Variants in TRPA1 observed in about 807,000 individuals in gnomAD.
TRPA1 encodes ankyrin-like with transmembrane domains 1.
TRPA1 carries 129 observed loss-of-function variants against 131.3 expected under a neutral mutation model. The ratio of observed to expected loss-of-function variants is 0.98; its 90% CI spans 0.85 to 1.14. TRPA1 has a LOEUF of 1.14. TRPA1 is among the 50% of genes most tolerant of loss of function. The pLI is 0.00. For missense variants in TRPA1, 1,304 were observed against 1,354.2 expected, an observed-to-expected ratio of 0.96 and a Z score of 0.58; for synonymous variants, 441 against 451.7, an observed-to-expected ratio of 0.98 and a Z score of 0.30.
At position 72,061,641 on chromosome 8, in the gene TRPA1, C is replaced by A; in HGVS notation, c.928G>T (p.Glu310Ter). ...DIVNTTDGCHETMLHRASLFD... is the reference protein window; with the variant it reads ...DIVNTTDGCH ...GAAACTTGCCTGTGAAGCATGGTCTCATGACATCCATCGGTTGTGTTAACA... is the reference window on the plus strand; with the variant it reads ...GAAACTTGCCTGTGAAGCATGGTCTAATGACATCCATCGGTTGTGTTAACA... Residue 310 changes from glutamate to a stop codon, truncating the protein, a stop_gained, in exon 7 of 27, where the codon GAG becomes TAG. Coordinates refer to ENST00000262209, the MANE Select transcript of TRPA1 (RefSeq NM_007332.3). LOFTEE classifies it high-confidence loss of function. The A allele has an allele frequency of 6.2e-7, 1 of 1,614,000 alleles. No individual in the cohort carries two copies. Among genetic ancestry groups the A allele is most frequent in the Non-Finnish European group, 8.5e-7 (1 of 1,179,926 alleles).
intron 4 of TRPA1, among the ~76,000 whole-genome samples, chr8:72,063,837 A>G (rs1035266260): frequency 6.6e-6 from 1 of 152,100 alleles, no homozygotes; most frequent in African/African-American, 2.4e-5. Flanking sequence ...AAGTCAACAC[A>G]TTTTTCAATG....
chr8:72,028,593 G>C (rs575319568), intron 24 of TRPA1, among the ~76,000 whole-genome samples: 2 of 152,260 alleles, frequency 1.3e-5, no homozygotes, highest in African/African-American at 4.8e-5. Context: ...CAATCGCTCT[G>C]TGTCTCTGTA....
chr8:72,044,143 A>G (rs73687848), intron 17 of TRPA1, among the ~76,000 whole-genome samples: 3,575 of 151,728 alleles, frequency 0.024, 115 homozygotes, highest in East Asian at 0.082. Context: ...AACCCCTTGC[A>G]AATATTCATT....
Position 72,075,562 on chromosome 8 carries a change from C to A in TRPA1, c.-153G>T, listed in dbSNP as rs1401568207. 4.4e-6 allele frequency: 3 copies of A among 680,806 alleles called. No homozygotes were observed. Among genetic ancestry groups the A allele is most frequent in the Admixed American group, 2.3e-5 (1 of 44,240 alleles). 42.2% of individuals were successfully genotyped at this position (680,806 alleles called of 1,614,324 possible). On this transcript the variant is annotated 5_prime_UTR_variant, in exon 1 of 27. Transcript: ENST00000262209. ...CACAGGCAGCGAAAAAGTCGCTCTG[C>A]GGAAGCCCTGGAGAACTTCTGGAAG...
intron 24 of TRPA1, 192 bp downstream of exon 24, chr8:72,029,709 G>A (rs1448081716): frequency 1.5e-6 from 1 of 673,674 alleles, no homozygotes; most frequent in Admixed American, 2.2e-5. Context: ...GCCGGGCAGT[G>A]GCAGCGAGGA....
chr8:72,056,753 C>G (rs1237983862), intron 10 of TRPA1, among the ~76,000 whole-genome samples, 164 bp downstream of exon 10: 1 of 152,130 alleles, frequency 6.6e-6, no homozygotes, highest in Non-Finnish European at 1.5e-5. Context: ...CCACCACCAC[C>G]ATCACCATGT....
Position 72,046,503 on chromosome 8 carries a change from T to A in TRPA1, c.2061+10A>T. On this transcript the variant is annotated intron_variant, in intron 17 of 26. Transcript: ENST00000262209. ...AGAAACTATTTAGATAATGAAAACATTGAACTTACGTTGAGGGCTGTAAGC... is the reference window on the plus strand; with the variant it reads ...AGAAACTATTTAGATAATGAAAACAATGAACTTACGTTGAGGGCTGTAAGC... 6.6e-7 allele frequency: 1 copy of A among 1,510,724 alleles called. No homozygotes were observed. The highest frequency in any genetic ancestry group is 1.8e-5 in the Admixed American group (1 of 54,294). 93.6% of individuals were successfully genotyped at this position (1,510,724 alleles called of 1,614,324 possible). A position where few individuals can be genotyped will look rare whatever the true frequency, so the allele number is the denominator to read the frequency against.
chr8:72,046,623 A>G lies in TRPA1; in HGVS notation c.1966-15T>C, dbSNP rs551912767. 1 of 1,432,374 alleles carries G rather than the reference A, an allele frequency of 7.0e-7. No individual in the cohort carries two copies. Among genetic ancestry groups the G allele is most frequent in the East Asian group, 2.3e-5 (1 of 43,814 alleles). 88.7% of individuals were successfully genotyped at this position (1,432,374 alleles called of 1,614,324 possible). Reference sequence around the variant, plus strand: ...TTATACTCGATCTGTAGAAGACAGAATTTTTTTTAAAAAAATGTACAGTTA... The same window carrying G: ...TTATACTCGATCTGTAGAAGACAGAGTTTTTTTTAAAAAAATGTACAGTTA... On this transcript the variant is annotated splice_polypyrimidine_tract_variant and intron_variant, in intron 16 of 26. Coordinates refer to ENST00000262209, the MANE Select transcript of TRPA1 (RefSeq NM_007332.3).
chr8:72,056,192 T>C, intron 10 of TRPA1: 1 of 338,920 alleles, frequency 3.0e-6, no homozygotes, highest in Non-Finnish European at 5.5e-6. Context: ...TCTTATTTCC[T>C]CCCACCCCCA....
chr8:72,029,305 C>T (rs1026591858), intron 24 of TRPA1, among the ~76,000 whole-genome samples: 3 of 152,174 alleles, frequency 2.0e-5, no homozygotes, highest in African/African-American at 7.2e-5. Context: ...GATCAAGCAG[C>T]TAGCTACCTG....
intron 3 of TRPA1, among the ~76,000 whole-genome samples, chr8:72,068,397 G>A (rs989695359): frequency 1.3e-5 from 2 of 152,126 alleles, no homozygotes; most frequent in Non-Finnish European, 2.9e-5. Flanking sequence ...ATTTTCCAGG[G>A]TTTCCTCTAT....
intron 17 of TRPA1, among the ~76,000 whole-genome samples, chr8:72,041,700 T>C (rs1357265772): frequency 6.6e-6 from 1 of 151,710 alleles, no homozygotes; most frequent in Admixed American, 6.6e-5. Context: ...ATGCATGAGG[T>C]ACAACTAAAG....
At chr8:72,080,016 T>C (rs1404563985), upstream of TRPA1, among the ~76,000 whole-genome samples, 2 of 152,002 alleles carry the variant, frequency 1.3e-5, no homozygotes, top group Non-Finnish European at 2.9e-5. Context: ...TTCTACAGTA[T>C]TACTAACTTT....
At chr8:72,040,451 A>AC (rs1206695053) in intron 17 of TRPA1, among the ~76,000 whole-genome samples, 8 of 152,070 alleles carry the variant, frequency 5.3e-5, no homozygotes, top group African/African-American at 1.7e-4. Flanking sequence ...GCCAAAATCA[A>AC]CCATATCAAA....
intron 17 of TRPA1, among the ~76,000 whole-genome samples, chr8:72,042,260 A>C (rs1812277994): frequency 6.6e-6 from 1 of 151,964 alleles, no homozygotes; most frequent in Non-Finnish European, 1.5e-5. Context: ...TCTCCAAAGA[A>C]GATACATGAA....
At chr8:72,080,075 A>G (rs1202387066), upstream of TRPA1, among the ~76,000 whole-genome samples, 2 of 151,908 alleles carry the variant, frequency 1.3e-5, no homozygotes, top group African/African-American at 4.8e-5. Flanking sequence ...AATCTTAAAC[A>G]TATAAGACAA....
intron 12 of TRPA1, chr8:72,054,891 T>G (rs1184498521): frequency 6.5e-6 from 1 of 152,740 alleles, no homozygotes; most frequent in East Asian, 1.9e-4. Flanking sequence ...TTATTATACT[T>G]ACATATTTTA....
intron 8 of TRPA1, among the ~76,000 whole-genome samples, chr8:72,059,006 C>T (rs968913852): frequency 1.3e-5 from 2 of 152,152 alleles, no homozygotes; most frequent in African/African-American, 4.8e-5. Flanking sequence ...ATAGGAGTTT[C>T]CCCCCGTGCT....
In TRPA1 at chr8:72,021,383, G is replaced by A. The variant is rs891683193; in HGVS notation, c.*1523C>T. The A allele has an allele frequency of 6.6e-6, 1 of 152,150 alleles. No homozygotes were observed. Among genetic ancestry groups the A allele is most frequent in the African/African-American group, 2.4e-5 (1 of 41,414 alleles). The allele number at this position is 152,150 out of a possible 1,614,324, so 9.4% of individuals were successfully genotyped here. A position where few individuals can be genotyped will look rare whatever the true frequency, so the allele number is the denominator to read the frequency against. On this transcript the variant is annotated 3_prime_UTR_variant, in exon 27 of 27. Transcript: ENST00000262209. The stretch of plus-strand genomic sequence containing the variant: ...CTACACAAGGTTTGAGGAGAGGGAA[G>A]ACTGAAAAGACCCCTTGTCTTTATG...
Sources: allele counts gnomAD v4.1 joint callset (sites outside exome capture counted in the v4.1 genomes callset), GRCh38; gene constraint gnomAD v4.1.1; transcripts MANE v1.5; gene names NCBI Gene and HGNC (gene_info 2026-07-23, HGNC 2026-07-21).